The following GPAT3 variants were observed in gnomAD, a reference collection of about 807,000 sequenced individuals.
GPAT3 encodes the protein glycerol-3-phosphate acyltransferase 3.
A neutral mutation model predicts 58.8 loss-of-function variants in GPAT3; 53 were observed. The observed-to-expected ratio is 0.90, with a 90% CI of 0.72 to 1.13. The LOEUF (loss-of-function observed/expected upper bound fraction) is 1.13. GPAT3 is among the 50% of genes most tolerant of loss of function. GPAT3 has a pLI of 0.00. For missense variants in GPAT3, 511 were observed against 527.6 expected (o/e 0.97, Z 0.31); for synonymous variants, 197 against 187.4 (o/e 1.05, Z -0.42).
chr4:83,575,403 A>G (rs1383328849), intron 2 of GPAT3, among the ~76,000 whole-genome samples: 1 of 151,618 alleles, frequency 6.6e-6, no homozygotes, highest in Non-Finnish European at 1.5e-5. Context: ...TTTGACACCT[A>G]ATTTTATTTT....
At chr4:83,597,903 C>CTT in intron 9 of GPAT3, 148 bp from the exon 10 acceptor site, 3 of 875,930 alleles carry the variant, frequency 3.4e-6, no homozygotes, top group East Asian at 2.8e-5. Context: ...GCCCAGTTTA[C>CTT]TTTTTTTTTG....
At position 83,588,301 on chromosome 4, in the gene GPAT3, T is replaced by C. The variant is rs764433794; in HGVS notation, c.644+2T>C. On this transcript the variant is annotated splice_donor_variant, in intron 5 of 11. Transcript: ENST00000264409. LOFTEE classifies it high-confidence loss of function. ...TGGTACCATTCATTATCATAACAAG[T>C]GAGTATCTGCTCCAATGTGCCTGTC... The C allele has an allele frequency of 2.7e-6, 4 of 1,484,572 alleles. No homozygotes were observed. The Admixed American group carries it at 6.5e-5, about 24-fold the overall frequency. 92.0% of individuals were successfully genotyped at this position (1,484,572 alleles called of 1,614,324 possible). A position where few individuals can be genotyped will look rare whatever the true frequency, so the allele number is the denominator to read the frequency against.
rs35602893 is a variant in GPAT3, at chr4:83,604,820, C to CT, written c.*60dup. The CT allele has an allele frequency of 6.0e-6, 8 of 1,323,690 alleles. No homozygotes were observed. Among genetic ancestry groups the CT allele is most frequent in the East Asian group, 4.7e-5 (2 of 42,124 alleles). The allele number at this position is 1,323,690 out of a possible 1,614,324, so 82.0% of individuals were successfully genotyped here. A position where few individuals can be genotyped will look rare whatever the true frequency, so the allele number is the denominator to read the frequency against. ...GAACTAGCCCTTAGAAATGGAATGG[C>CT]TTTTTTTGTTTTGTTTTGTTTTATT... On this transcript the variant is annotated 3_prime_UTR_variant, in exon 12 of 12. Coordinates refer to ENST00000264409, the MANE Select transcript of GPAT3 (RefSeq NM_032717.5).
chr4:83,542,218 T>G (rs1490880439), intron 1 of GPAT3, among the ~76,000 whole-genome samples: 5 of 152,198 alleles, frequency 3.3e-5, no homozygotes, highest in Admixed American at 3.3e-4. Flanking sequence ...GAGTCTGAGA[T>G]TAACAATGAT....
chr4:83,567,264 C>T (rs1725433730), intron 2 of GPAT3, among the ~76,000 whole-genome samples: 1 of 152,102 alleles, frequency 6.6e-6, no homozygotes, highest in Non-Finnish European at 1.5e-5. Flanking sequence ...TTAGGGTCTT[C>T]CCAATAAAGA....
At chr4:83,576,030 A>G (rs1725799902) in intron 2 of GPAT3, among the ~76,000 whole-genome samples, 1 of 152,224 alleles carries the variant, frequency 6.6e-6, no homozygotes, top group South Asian at 2.1e-4. Context: ...ATATGTATAT[A>G]TCCTTCATAC....
intron 11 of GPAT3, among the ~76,000 whole-genome samples, chr4:83,599,607 A>G (rs989785330): frequency 6.6e-6 from 1 of 152,222 alleles, no homozygotes; most frequent in Non-Finnish European, 1.5e-5. Context: ...AGGCTCATTC[A>G]TATTTAACTC....
intron 2 of GPAT3, among the ~76,000 whole-genome samples, chr4:83,554,356 C>T (rs772018960): frequency 3.9e-5 from 6 of 152,134 alleles, no homozygotes; most frequent in Non-Finnish European, 8.8e-5. Flanking sequence ...ATTGAAAATA[C>T]AGCTTGTCAT....
intron 2 of GPAT3, among the ~76,000 whole-genome samples, chr4:83,561,454 C>T (rs1725122120): frequency 6.6e-6 from 1 of 151,832 alleles, no homozygotes; most frequent in Non-Finnish European, 1.5e-5. Context: ...CCTTCTTCTT[C>T]TTGCCTCTGC....
At chr4:83,580,987 T>C (rs1726095669) in intron 2 of GPAT3, among the ~76,000 whole-genome samples, 1 of 149,586 alleles carries the variant, frequency 6.7e-6, no homozygotes, top group Non-Finnish European at 1.5e-5. Flanking sequence ...TCCCAGCTGC[T>C]TGGGAGGCTG....
chr4:83,594,994 T>C (rs780087919), intron 7 of GPAT3, 34 bp downstream of exon 7: 10 of 1,587,848 alleles, frequency 6.3e-6, no homozygotes, highest in Non-Finnish European at 8.6e-6. Flanking sequence ...TTCACTGGAG[T>C]AGCATAAAAG....
At chr4:83,583,667 G>GAAGAAAAAAAAAAAAAAAAA (rs760151577) in intron 3 of GPAT3, among the ~76,000 whole-genome samples, 1 of 23,462 alleles carries the variant, frequency 4.3e-5, no homozygotes, top group Non-Finnish European at 7.2e-5. Context: ...ACTCTTGTCT[G>GAAGAAAAAAAAAAAAAAAAA]AAAAAAAAAA....
intron 2 of GPAT3, among the ~76,000 whole-genome samples, chr4:83,546,607 CAG>C (rs1372176219): frequency 6.6e-6 from 1 of 152,028 alleles, no homozygotes; most frequent in South Asian, 2.1e-4. Flanking sequence ...ATATTTCATT[CAG>C]AGTGTCTACC....
At chr4:83,601,868 C>T (rs1488326296) in intron 11 of GPAT3, among the ~76,000 whole-genome samples, 1 of 152,162 alleles carries the variant, frequency 6.6e-6, no homozygotes, top group African/African-American at 2.4e-5. Flanking sequence ...CTCTGAAAGG[C>T]GGCCTTCTGA....
In GPAT3 at chr4:83,536,222, A is replaced by T. The variant is rs1724075301; in HGVS notation, c.-401A>T. 1 of 994,384 alleles carries T rather than the reference A, an allele frequency of 1.0e-6. No individual in the cohort carries two copies. 61.6% of individuals were successfully genotyped at this position (994,384 alleles called of 1,614,324 possible). On this transcript the variant is annotated 5_prime_UTR_variant, in exon 1 of 12. Transcript: ENST00000264409. Reference sequence around the variant, plus strand: ...GAGGGCCTCCGTGAGTCATCTGCTGAGTTGTCGCAATCGCCACCCAGAGGA... The same window carrying T: ...GAGGGCCTCCGTGAGTCATCTGCTGTGTTGTCGCAATCGCCACCCAGAGGA...
rs192425854 is a variant in GPAT3, at chr4:83,570,910, A to G, written c.209-10652A>G. 1.5e-3 allele frequency among the ~76,000 whole-genome samples: 228 copies of G among 152,328 alleles called. 2 individuals carry two copies. Among genetic ancestry groups the G allele is most frequent in the African/African-American group, 4.8e-3 (198 of 41,568 alleles). On this transcript the variant is annotated intron_variant, in intron 2 of 11. Transcript: ENST00000264409. ...TTTGTAGGCTCATGTGATTACCCCA[A>G]TCGAGCTAAAGAACACATTTATGAT...
At chr4:83,548,192 C>T (rs1724617126) in intron 2 of GPAT3, among the ~76,000 whole-genome samples, 2 of 152,124 alleles carry the variant, frequency 1.3e-5, no homozygotes, top group Non-Finnish European at 2.9e-5. Context: ...AATAATGGCT[C>T]GTTTGCTTCT....
At chr4:83,593,585 T>A (rs1726693394) in intron 6 of GPAT3, among the ~76,000 whole-genome samples, 1 of 152,198 alleles carries the variant, frequency 6.6e-6, no homozygotes, top group South Asian at 2.1e-4. Flanking sequence ...ATGAAAATCC[T>A]GTTTCCCAAC....
chr4:83,604,177 T>A (rs978807997), intron 11 of GPAT3, among the ~76,000 whole-genome samples: 1 of 152,176 alleles, frequency 6.6e-6, no homozygotes, highest in Non-Finnish European at 1.5e-5. Flanking sequence ...GTTCAAGCGA[T>A]TCTCCTGCCT....
Sources: gnomAD v4.1 joint callset for allele counts (sites outside exome capture counted in the v4.1 genomes callset) on GRCh38, gnomAD v4.1.1 for gene constraint, MANE v1.5 for transcripts, NCBI Gene and HGNC (gene_info 2026-07-23, HGNC 2026-07-21) for gene names.